SLCO6A1: variants seen among roughly 807,000 people sequenced by gnomAD.
The protein encoded by SLCO6A1 is solute carrier organic anion transporter family member 6A1, also known as cancer/testis antigen 48.
SLCO6A1 carries 65 observed loss-of-function variants against 72.7 expected under a neutral mutation model. The ratio of observed to expected loss-of-function variants is 0.89; its 90% CI spans 0.73 to 1.10. The LOEUF (loss-of-function observed/expected upper bound fraction) is 1.10. Ranked by LOEUF, SLCO6A1 falls within the 50% of genes least tolerant of loss-of-function variation. The pLI is 0.00. For synonymous variants in SLCO6A1, 314 were observed against 298.2 expected (o/e 1.05, Z -0.55); for missense variants, 874 against 872.6 (o/e 1.00, Z -0.02).
At chr5:102,423,325 T>G (rs1369610776) in intron 7 of SLCO6A1, among the ~76,000 whole-genome samples, 1 of 152,066 alleles carries the variant, frequency 6.6e-6, no homozygotes, top group Admixed American at 6.6e-5. Context: ...AGATACAGAA[T>G]GGCAAATTGG....
chr5:102,479,962 C>A (rs1270879576), intron 2 of SLCO6A1, among the ~76,000 whole-genome samples: 1 of 152,128 alleles, frequency 6.6e-6, no homozygotes, highest in African/African-American at 2.4e-5. Flanking sequence ...TGTTTTCTAT[C>A]AATAGACTAA....
chr5:102,413,172 A>G, intron 8 of SLCO6A1, 29 bp from the exon 9 acceptor site: 1 of 1,521,324 alleles, frequency 6.6e-7, no homozygotes. Context: ...ATGTAATCAT[A>G]TTACCATTGT....
chr5:102,485,549 G>C (rs1752411864), intron 1 of SLCO6A1, among the ~76,000 whole-genome samples: 1 of 152,182 alleles, frequency 6.6e-6, no homozygotes, highest in African/African-American at 2.4e-5. Flanking sequence ...CTACATGACT[G>C]ACAGAAAAAC....
chr5:102,390,442 T>A (rs1746692497), intron 11 of SLCO6A1, among the ~76,000 whole-genome samples: 1 of 152,200 alleles, frequency 6.6e-6, no homozygotes, highest in African/African-American at 2.4e-5. Flanking sequence ...CAGTCTTTAA[T>A]CCAAGAATTT....
chr5:102,404,291 C>T (rs1048578532), intron 9 of SLCO6A1, among the ~76,000 whole-genome samples: 24 of 152,118 alleles, frequency 1.6e-4, no homozygotes, highest in African/African-American at 4.8e-4. Context: ...GTCAGGAGAT[C>T]GAGACCATCC....
chr5:102,454,196 T>C (rs1179325066), intron 6 of SLCO6A1, among the ~76,000 whole-genome samples: 2 of 152,078 alleles, frequency 1.3e-5, no homozygotes, highest in African/African-American at 4.8e-5. Flanking sequence ...TCCATGGAGC[T>C]CAAAACTAGA....
intron 4 of SLCO6A1, among the ~76,000 whole-genome samples, chr5:102,461,557 A>T (rs889845783): frequency 6.6e-6 from 1 of 152,116 alleles, no homozygotes; most frequent in Non-Finnish European, 1.5e-5. Flanking sequence ...TAATATTGGC[A>T]TGGGAATAGA....
In SLCO6A1 at chr5:102,381,116, A is replaced by G. The variant is rs1746082399; in HGVS notation, c.2017+7572T>C. 2.0e-5 allele frequency among the ~76,000 whole-genome samples: 3 copies of G among 151,972 alleles called. No homozygotes were observed. In the South Asian group the frequency reaches 6.2e-4, roughly 31 times the overall value. ...AATACTTAAGTTCTATTCCCTTGGC[A>G]ATTTTCAAGTATACAATACATTAAC... On this transcript the variant is annotated intron_variant, in intron 12 of 13. Coordinates refer to ENST00000506729, the MANE Select transcript of SLCO6A1 (RefSeq NM_173488.5).
intron 3 of SLCO6A1, among the ~76,000 whole-genome samples, chr5:102,476,218 T>A (rs1038131707): frequency 7.2e-5 from 11 of 152,084 alleles, no homozygotes; most frequent in East Asian, 1.9e-4. Flanking sequence ...TTAAAAAAAA[T>A]TTTAAACACA....
chr5:102,486,974 G>A (rs144360702), intron 1 of SLCO6A1, among the ~76,000 whole-genome samples: 57 of 152,128 alleles, frequency 3.7e-4, no homozygotes, highest in African/African-American at 1.1e-3. Flanking sequence ...TGAAGTTCCC[G>A]ATGGTACTGA....
intron 7 of SLCO6A1, among the ~76,000 whole-genome samples, chr5:102,424,800 C>G (rs181852226): frequency 1.3e-5 from 2 of 152,212 alleles, no homozygotes; most frequent in Admixed American, 1.3e-4. Flanking sequence ...ATACCAAAAC[C>G]TGGCATAGAC....
intron 9 of SLCO6A1, among the ~76,000 whole-genome samples, chr5:102,400,983 T>C (rs181278947): frequency 6.6e-6 from 1 of 151,648 alleles, no homozygotes; most frequent in East Asian, 1.9e-4. Flanking sequence ...CAGGACATTT[T>C]AAAAAAAAGG....
intron 10 of SLCO6A1, chr5:102,391,268 AAAG>A (rs144312648): frequency 0.014 from 6,812 of 474,516 alleles, 155 homozygotes; most frequent in African/African-American, 0.069. Context: ...TAGTCTTCCC[AAAG>A]AAGAAGGTTT....
rs79956273 is a variant in SLCO6A1 at position 102,403,405 on chromosome 5, G to C, written c.1627-3663C>G. On this transcript the variant is annotated intron_variant, in intron 9 of 13. Transcript: ENST00000506729. ...CCACTGAAAATATTTTTAAGATATA[G>C]AAAAATGAAAAAAGTAAAAATAGTC... Among the ~76,000 whole-genome samples the C allele has an allele frequency of 6.7e-3, 1,023 of 151,968 alleles. 9 individuals carry two copies. The highest frequency in any genetic ancestry group is 0.023 in the African/African-American group (973 of 41,476).
At chr5:102,445,318 G>C (rs1750049498) in intron 6 of SLCO6A1, among the ~76,000 whole-genome samples, 1 of 152,090 alleles carries the variant, frequency 6.6e-6, no homozygotes, top group Admixed American at 6.6e-5. Flanking sequence ...CCCTAATAAT[G>C]AGTGACACTG....
intron 8 of SLCO6A1, among the ~76,000 whole-genome samples, chr5:102,414,917 A>C (rs184757417): frequency 6.7e-6 from 1 of 149,854 alleles, no homozygotes; most frequent in Non-Finnish European, 1.5e-5. Flanking sequence ...GTAAATAAAT[A>C]AATAAATAAA....
chr5:102,438,512 C>T, intron 7 of SLCO6A1, 105 bp downstream of exon 7: 1 of 864,972 alleles, frequency 1.2e-6, no homozygotes, highest in Non-Finnish European at 1.7e-6. Context: ...CAAATCATAT[C>T]TAGGTATATA....
At chr5:102,406,239 T>A (rs768154182) in intron 9 of SLCO6A1, among the ~76,000 whole-genome samples, 5 of 151,790 alleles carry the variant, frequency 3.3e-5, no homozygotes, top group African/African-American at 4.8e-5. Flanking sequence ...CAGGAGACAG[T>A]CTAAACATAA....
In SLCO6A1 at chr5:102,494,331, G is replaced by A. The variant is rs1004076432; in HGVS notation, c.358+4156C>T. Among the ~76,000 whole-genome samples the A allele has an allele frequency of 4.6e-5, 7 of 152,162 alleles. 1 individual carries two copies. The East Asian group carries it at 1.4e-3, about 29-fold the overall frequency. The stretch of plus-strand genomic sequence containing the variant: ...GAGCTAAACTATAACACCTCTAGAA[G>A]AAAAGCAAAGTAGAAAACCTTCATG... On this transcript the variant is annotated intron_variant, in intron 1 of 13. Coordinates refer to ENST00000506729, the MANE Select transcript of SLCO6A1 (RefSeq NM_173488.5).
Sources: allele counts gnomAD v4.1 joint callset (sites outside exome capture counted in the v4.1 genomes callset), GRCh38; gene constraint gnomAD v4.1.1; transcripts MANE v1.5; gene names NCBI Gene and HGNC (gene_info 2026-07-23, HGNC 2026-07-21).